The following CD28 variants were observed in gnomAD, a reference collection of about 807,000 sequenced individuals.
CD28 encodes the protein T-cell-specific surface glycoprotein CD28.
In CD28, 8 loss-of-function variants were observed where a neutral mutation model predicts 21.4. The ratio of observed to expected loss-of-function variants is 0.37; its 90% CI spans 0.22 to 0.68. The LOEUF is 0.68. Ranked by LOEUF, CD28 falls within the 30% of genes least tolerant of loss-of-function variation. The pLI is 0.55. For missense variants in CD28, 239 were observed against 272.2 expected (o/e 0.88, Z 0.86); for synonymous variants, 106 against 104.0 (o/e 1.02, Z -0.12).
At chr2:203,727,981 T>C (rs1270754126) in intron 2 of CD28, among the ~76,000 whole-genome samples, 1 of 149,896 alleles carries the variant, frequency 6.7e-6, no homozygotes. Flanking sequence ...CCAGCCATTT[T>C]TTGTACTTTT....
intron 1 of CD28, among the ~76,000 whole-genome samples, chr2:203,707,107 G>C (rs1477403128): frequency 6.6e-6 from 1 of 151,920 alleles, no homozygotes; most frequent in Non-Finnish European, 1.5e-5. Context: ...GCCTCCCAAA[G>C]TGCTAGGGTT....
intron 1 of CD28, among the ~76,000 whole-genome samples, chr2:203,720,364 G>A (rs947905235): frequency 3.9e-5 from 6 of 152,290 alleles, no homozygotes; most frequent in East Asian, 1.9e-4. Flanking sequence ...TTTTGATAAC[G>A]TAAGCAAAGA....
intron 1 of CD28, among the ~76,000 whole-genome samples, chr2:203,712,195 A>C (rs1453026823): frequency 2.4e-5 from 2 of 81,876 alleles, no homozygotes; most frequent in Non-Finnish European, 5.8e-5. Flanking sequence ...CCGTCTCAAC[A>C]ACAACAAAAA....
At chr2:203,721,219 A>G (rs115194423) in intron 1 of CD28, among the ~76,000 whole-genome samples, 1,526 of 152,318 alleles carry the variant, frequency 0.01, 27 homozygotes, top group African/African-American at 0.035. Context: ...AACATGAGCA[A>G]TAAATTGGAT....
chr2:203,730,133 A>C (rs1033653400), intron 3 of CD28, among the ~76,000 whole-genome samples: 1 of 152,218 alleles, frequency 6.6e-6, no homozygotes, highest in Non-Finnish European at 1.5e-5. Context: ...GCAACTTGGG[A>C]AGCTAGGCAA....
intron 3 of CD28, among the ~76,000 whole-genome samples, chr2:203,732,088 AT>A (rs1693910299): frequency 6.6e-6 from 1 of 152,188 alleles, no homozygotes; most frequent in African/African-American, 2.4e-5. Flanking sequence ...CATCTAGGCC[AT>A]TATGGATCCC....
At chr2:203,722,186 G>A (rs978480809) in intron 1 of CD28, among the ~76,000 whole-genome samples, 23 of 152,280 alleles carry the variant, frequency 1.5e-4, no homozygotes, top group African/African-American at 5.5e-4. Flanking sequence ...CGGTGAGCAA[G>A]CAGAATACAA....
chr2:203,730,386 C>T (rs776363727), intron 3 of CD28, among the ~76,000 whole-genome samples: 1 of 152,132 alleles, frequency 6.6e-6, no homozygotes, highest in South Asian at 2.1e-4. Flanking sequence ...CAAATGTTTA[C>T]GTAATAAATG....
intron 1 of CD28, among the ~76,000 whole-genome samples, chr2:203,709,305 T>C (rs1693249729): frequency 1.3e-5 from 2 of 152,148 alleles, no homozygotes; most frequent in African/African-American, 4.8e-5. Context: ...TGCGTGCATG[T>C]GTGTGTATGT....
At chr2:203,706,607 G>T (rs565497008), upstream of CD28, 2 of 1,609,236 alleles carry the variant, frequency 1.2e-6, no homozygotes, top group South Asian at 2.2e-5. Context: ...GAGACTCTCA[G>T]GCCTTGGCAG....
intron 1 of CD28, among the ~76,000 whole-genome samples, chr2:203,724,855 A>G (rs1039700840): frequency 2.0e-5 from 3 of 152,240 alleles, no homozygotes; most frequent in Non-Finnish European, 4.4e-5. Flanking sequence ...CAGTGTGGGT[A>G]TACGGGATGT....
At chr2:203,707,354 A>G (rs1397647904) in intron 1 of CD28, among the ~76,000 whole-genome samples, 1 of 152,102 alleles carries the variant, frequency 6.6e-6, no homozygotes, top group East Asian at 1.9e-4. Context: ...GGGAATAATA[A>G]TAAACCTCAC....
At chr2:203,706,985 A>T (rs112316427) in intron 1 of CD28, among the ~76,000 whole-genome samples, 1,980 of 152,076 alleles carry the variant, frequency 0.013, 17 homozygotes, top group Middle Eastern at 0.031. Context: ...CTATTAGTTG[A>T]TAGTGTCCCA....
intron 3 of CD28, among the ~76,000 whole-genome samples, chr2:203,731,648 A>T (rs765928916): frequency 7.2e-5 from 11 of 152,206 alleles, no homozygotes; most frequent in Non-Finnish European, 1.2e-4. Flanking sequence ...CTATAATGAG[A>T]CATCAATTTG....
At chr2:203,710,702 T>C (rs749230919) in intron 1 of CD28, among the ~76,000 whole-genome samples, 1 of 152,156 alleles carries the variant, frequency 6.6e-6, no homozygotes, top group Non-Finnish European at 1.5e-5. Flanking sequence ...AGAAGAAAAT[T>C]TGTTGTGGTT....
At chr2:203,729,558 C>A in intron 2 of CD28, 90 bp from the exon 3 acceptor site, 2 of 1,327,452 alleles carry the variant, frequency 1.5e-6, no homozygotes, top group Non-Finnish European at 2.1e-6. Flanking sequence ...ATTTTTATTT[C>A]TTTCACATTT....
intron 3 of CD28, among the ~76,000 whole-genome samples, chr2:203,732,651 C>T (rs947941139): frequency 1.3e-5 from 2 of 152,158 alleles, no homozygotes; most frequent in African/African-American, 2.4e-5. Context: ...CCAGAAATTA[C>T]ATATCATTAG....
chr2:203,715,314 A>G (rs182927161), intron 1 of CD28, among the ~76,000 whole-genome samples: 94 of 152,296 alleles, frequency 6.2e-4, no homozygotes, highest in Admixed American at 5.2e-3. Flanking sequence ...ACCTTTTAGA[A>G]TAGTGAGATT....
At chr2:203,720,687 C>T (rs887826738) in intron 1 of CD28, among the ~76,000 whole-genome samples, 4 of 152,194 alleles carry the variant, frequency 2.6e-5, no homozygotes, top group Non-Finnish European at 4.4e-5. Flanking sequence ...ACCGAAAATA[C>T]ATATCAAAGC....
Sources: gnomAD v4.1 joint callset for allele counts (sites outside exome capture counted in the v4.1 genomes callset) on GRCh38, gnomAD v4.1.1 for gene constraint, MANE v1.5 for transcripts, NCBI Gene and HGNC (gene_info 2026-07-23, HGNC 2026-07-21) for gene names.